The following EYS variants were observed in gnomAD, a reference collection of about 807,000 sequenced individuals.
The protein encoded by EYS is EGF-like photoreceptor maintenance factor, also known as protein eyes shut homolog.
A neutral mutation model predicts 282.1 loss-of-function variants in EYS; 250 were observed. That is an observed-to-expected ratio of 0.89 (90% CI 0.80 to 0.98). The LOEUF (loss-of-function observed/expected upper bound fraction) is 0.98, where lower values mean the gene tolerates loss of function less well. Among genes scored for constraint, EYS ranks in the 50% least tolerant of loss-of-function variants. The pLI is 0.00. For missense variants in EYS, 4,016 were observed against 3,709.0 expected (o/e 1.08, Z -2.15); for synonymous variants, 1,355 against 1,282.9 (o/e 1.06, Z -1.20).
chr6:64,063,156 A>G (rs1771238156), intron 33 of EYS, among the ~76,000 whole-genome samples: 1 of 152,052 alleles, frequency 6.6e-6, no homozygotes, highest in Non-Finnish European at 1.5e-5. Context: ...TTTCTACTGT[A>G]TACTCTCATC....
chr6:65,625,571 G>A (rs1490139), intron 2 of EYS, among the ~76,000 whole-genome samples: 54,156 of 151,984 alleles, frequency 0.36, 12,007 homozygotes, highest in Non-Finnish European at 0.49. Context: ...ATATAATACC[G>A]CATATTTTAG....
chr6:64,705,989 TA>T (rs1330963749), intron 22 of EYS, among the ~76,000 whole-genome samples: 3 of 142,316 alleles, frequency 2.1e-5, no homozygotes, highest in Non-Finnish European at 4.6e-5. Flanking sequence ...GTATAATAAT[TA>T]AAAATAACTA....
chr6:64,294,718 A>T (rs956556430), intron 30 of EYS, among the ~76,000 whole-genome samples: 41 of 152,322 alleles, frequency 2.7e-4, no homozygotes, highest in African/African-American at 9.9e-4. Flanking sequence ...AGTGGATAAA[A>T]CTACTGATGG....
At chr6:65,326,022 T>G (rs1251067835) in intron 11 of EYS, among the ~76,000 whole-genome samples, 1 of 152,126 alleles carries the variant, frequency 6.6e-6, no homozygotes, top group African/African-American at 2.4e-5. Flanking sequence ...GATCATAATT[T>G]TAATGGGTTT....
At chr6:65,317,234 T>C (rs564765673) in intron 11 of EYS, among the ~76,000 whole-genome samples, 79 of 152,310 alleles carry the variant, frequency 5.2e-4, no homozygotes, top group Admixed American at 1.6e-3. Flanking sequence ...AAAAAATCTG[T>C]AATAGGTGTT....
chr6:64,754,983 G>A (rs915937256), intron 22 of EYS, among the ~76,000 whole-genome samples: 1 of 152,006 alleles, frequency 6.6e-6, no homozygotes, highest in Middle Eastern at 3.2e-3. Flanking sequence ...ATCCAAACCG[G>A]AACCGAGGAA....
chr6:65,144,824 G>A (rs1764437167), intron 12 of EYS, among the ~76,000 whole-genome samples: 1 of 151,588 alleles, frequency 6.6e-6, no homozygotes, highest in African/African-American at 2.4e-5. Flanking sequence ...GAGTGCAGTG[G>A]TGCCATTTTA....
intron 28 of EYS, among the ~76,000 whole-genome samples, chr6:64,409,099 A>T (rs557536358): frequency 1.3e-3 from 193 of 152,252 alleles, no homozygotes; most frequent in Non-Finnish European, 2.2e-3. Context: ...CTCCAGCTGC[A>T]TCTATGTTAC....
rs1283356858 is a variant in EYS at position 64,679,799 on chromosome 6, G to A, written c.3444-53554C>T. 2.6e-5 allele frequency among the ~76,000 whole-genome samples: 4 copies of A among 152,004 alleles called. No individual in the cohort carries two copies. The East Asian group carries it at 7.7e-4, about 29-fold the overall frequency. Reference sequence around the variant, plus strand: ...GAGTGAGATAAGCGTATTTTCACATGCTACACACATTTACTTTCTTTTTCT... The same window carrying A: ...GAGTGAGATAAGCGTATTTTCACATACTACACACATTTACTTTCTTTTTCT... On this transcript the variant is annotated intron_variant, in intron 22 of 42. Coordinates refer to ENST00000503581, the MANE Select transcript of EYS (RefSeq NM_001142800.2).
intron 19 of EYS, among the ~76,000 whole-genome samples, chr6:64,829,664 G>A (rs16895833): frequency 0.041 from 6,177 of 151,920 alleles, 273 homozygotes; most frequent in East Asian, 0.24. Flanking sequence ...GTGCCAGTTC[G>A]GAGATGAAAG....
intron 22 of EYS, among the ~76,000 whole-genome samples, chr6:64,809,969 A>G (rs1183008688): frequency 6.6e-6 from 1 of 152,062 alleles, no homozygotes; most frequent in African/African-American, 2.4e-5. Context: ...ATCTATAATA[A>G]ATGTTGAAAA....
At chr6:64,334,482 T>G (rs750947149) in intron 29 of EYS, among the ~76,000 whole-genome samples, 57 of 152,252 alleles carry the variant, frequency 3.7e-4, no homozygotes, top group Non-Finnish European at 7.1e-4. Context: ...GGAAAGATAA[T>G]GAATGGCCCC....
chr6:63,723,603 G>T (rs993837742), intron 42 of EYS, among the ~76,000 whole-genome samples: 1 of 151,942 alleles, frequency 6.6e-6, no homozygotes, highest in African/African-American at 2.4e-5. Flanking sequence ...GAAAGAGCAA[G>T]GATAGCTTCT....
intron 26 of EYS, among the ~76,000 whole-genome samples, chr6:64,548,028 C>T (rs1216589249): frequency 6.6e-6 from 1 of 152,208 alleles, no homozygotes; most frequent in African/African-American, 2.4e-5. Flanking sequence ...AGCCCTGGTT[C>T]CCGCCTGCGC....
chr6:64,166,622 C>A (rs370062077), intron 31 of EYS, among the ~76,000 whole-genome samples: 14 of 152,264 alleles, frequency 9.2e-5, no homozygotes, highest in African/African-American at 3.4e-4. Context: ...AGAGGGATAT[C>A]TCCAAATCAG....
At chr6:63,826,429 G>C (rs1273977319) in intron 36 of EYS, among the ~76,000 whole-genome samples, 1 of 152,150 alleles carries the variant, frequency 6.6e-6, no homozygotes, top group Non-Finnish European at 1.5e-5. Flanking sequence ...TCATTGCCTA[G>C]GCACATTGTC....
intron 7 of EYS, among the ~76,000 whole-genome samples, chr6:65,392,458 C>A (rs894897303): frequency 6.6e-6 from 1 of 152,144 alleles, no homozygotes; most frequent in African/African-American, 2.4e-5. Flanking sequence ...CTACAATGAA[C>A]TCAAACAAAT....
intron 12 of EYS, among the ~76,000 whole-genome samples, chr6:65,254,327 G>C (rs1767405075): frequency 6.6e-6 from 1 of 151,790 alleles, no homozygotes; most frequent in African/African-American, 2.4e-5. Context: ...CATCTACTAA[G>C]ACCACTAATA....
intron 31 of EYS, among the ~76,000 whole-genome samples, chr6:64,206,013 C>A (rs937782745): frequency 6.6e-6 from 1 of 152,060 alleles, no homozygotes; most frequent in Admixed American, 6.6e-5. Flanking sequence ...TTAGTGAATG[C>A]ATCAGGTTTT....
Sources: allele counts gnomAD v4.1 joint callset (sites outside exome capture counted in the v4.1 genomes callset), GRCh38; gene constraint gnomAD v4.1.1; transcripts MANE v1.5; gene names NCBI Gene and HGNC (gene_info 2026-07-23, HGNC 2026-07-21).